The following SAMD13 variants were observed in gnomAD, a reference collection of about 807,000 sequenced individuals.
SAMD13 encodes sterile alpha motif domain containing 13.
In SAMD13, 9 loss-of-function variants were observed where a neutral mutation model predicts 12.4. The ratio of observed to expected loss-of-function variants is 0.72; its 90% confidence interval spans 0.44 to 1.26. The LOEUF is 1.26. SAMD13 is among the 50% of genes most tolerant of loss of function. The pLI, the probability that SAMD13 is intolerant of heterozygous loss-of-function variation, is 0.00. For synonymous variants in SAMD13, 46 were observed against 45.4 expected, an observed-to-expected ratio of 1.01 and a Z score of -0.05; for missense variants, 84 against 119.6, an observed-to-expected ratio of 0.70 and a Z score of 1.39.
At chr1:84,346,976 A>G (rs1223248469) in intron 3 of SAMD13, among the ~76,000 whole-genome samples, 4 of 152,206 alleles carry the variant, frequency 2.6e-5, no homozygotes, top group African/African-American at 9.6e-5. Context: ...TCCACTTAGT[A>G]GTCATTGAGA....
intron 3 of SAMD13, among the ~76,000 whole-genome samples, chr1:84,333,779 T>C (rs1679239246): frequency 6.6e-6 from 1 of 152,132 alleles, no homozygotes; most frequent in African/African-American, 2.4e-5. Flanking sequence ...TTGAATTTTA[T>C]TGAAAGCCTT....
At chr1:84,302,337 C>CTTTTTTTTTTTTTTTTT (rs34069417) in intron 1 of SAMD13, among the ~76,000 whole-genome samples, 1 of 123,166 alleles carries the variant, frequency 8.1e-6, no homozygotes, top group African/African-American at 3.0e-5. Context: ...CTGTTTCTTC[C>CTTTTTTTTTTTTTTTTT]TTTTTTTTTT....
upstream of SAMD13, among the ~76,000 whole-genome samples, chr1:84,299,035 G>A (rs531457896): frequency 5.3e-4 from 80 of 152,252 alleles, no homozygotes; most frequent in Admixed American, 2.0e-3. Flanking sequence ...GCTGGTCCAA[G>A]AGGCAGCCTG....
At chr1:84,307,136 G>T (rs139134445) in intron 2 of SAMD13, among the ~76,000 whole-genome samples, 106 of 152,000 alleles carry the variant, frequency 7.0e-4, no homozygotes, top group African/African-American at 2.4e-3. Flanking sequence ...AATACTTTTG[G>T]TCTCTCTCCC....
chr1:84,325,675 G>A lies in SAMD13; in HGVS notation c.92G>A (p.Trp31Ter). The stretch of plus-strand genomic sequence containing the variant: ...GGGAGACCACCTGATCCTGCAGACT[G>A]GGCCGTGATGGATGTCGTCAATTAT... ...ENGRPPDPAD[W>*]AVMDVVNYFR... is the part of the protein sequence containing the mutation. Residue 31 changes from tryptophan (W) to a stop codon, truncating the protein, a stop_gained, in exon 3 of 4, where the codon TGG becomes TAG. Transcript: ENST00000394834. LOFTEE classifies it high-confidence loss of function. 1.2e-6 allele frequency: 2 copies of A among 1,613,490 alleles called. No homozygotes were observed. The highest frequency in any genetic ancestry group is 8.5e-7 in the Non-Finnish European group (1 of 1,179,538).
At chr1:84,321,801 C>A (rs1678951716) in intron 2 of SAMD13, among the ~76,000 whole-genome samples, 1 of 152,166 alleles carries the variant, frequency 6.6e-6, no homozygotes, top group Non-Finnish European at 1.5e-5. Context: ...GGCTCCTGCC[C>A]CGCACACCCT....
In SAMD13 at chr1:84,315,542, C is replaced by A. The variant is rs149850915; in HGVS notation, c.54-10095C>A. On this transcript the variant is annotated intron_variant, in intron 2 of 3. Transcript: ENST00000394834. ...CCTGGTTCAAGGGATCCTCCCATTT[C>A]AGCCTCCCAAGTAGTTGGAATTATT... is the stretch of plus-strand genomic sequence containing the variant. 4.1e-3 allele frequency among the ~76,000 whole-genome samples: 620 copies of A among 152,250 alleles called. 5 individuals are homozygous for A. Among genetic ancestry groups the A allele is most frequent in the African/African-American group, 0.013 (534 of 41,560 alleles).
chr1:84,298,600 G>A (rs747431677), upstream of SAMD13: 1 of 1,281,386 alleles, frequency 7.8e-7, no homozygotes, highest in Non-Finnish European at 9.9e-7. Flanking sequence ...CAGGGCGTGG[G>A]AAGGCGCCCG....
chr1:84,333,255 G>A (rs1476131621), intron 3 of SAMD13, among the ~76,000 whole-genome samples: 2 of 152,100 alleles, frequency 1.3e-5, no homozygotes, highest in African/African-American at 2.4e-5. Flanking sequence ...GAATGTCATT[G>A]GTGGTTTTAT....
chr1:84,338,843 C>A (rs1679359382), intron 3 of SAMD13, among the ~76,000 whole-genome samples: 1 of 152,160 alleles, frequency 6.6e-6, no homozygotes, highest in African/African-American at 2.4e-5. Context: ...TCCCACTGGG[C>A]CCCTCCCACA....
intron 2 of SAMD13, among the ~76,000 whole-genome samples, chr1:84,307,108 G>T (rs1013908465): frequency 6.6e-6 from 1 of 152,014 alleles, no homozygotes; most frequent in African/African-American, 2.4e-5. Context: ...TTGGAAAATT[G>T]TCAACCATTC....
intron 3 of SAMD13, among the ~76,000 whole-genome samples, chr1:84,341,867 A>G (rs1213886538): frequency 6.6e-6 from 1 of 152,196 alleles, no homozygotes; most frequent in Non-Finnish European, 1.5e-5. Flanking sequence ...TTGGTGTATT[A>G]AAGTAGACCA....
At chr1:84,314,177 CAA>C (rs1450375638) in intron 2 of SAMD13, among the ~76,000 whole-genome samples, 1 of 151,992 alleles carries the variant, frequency 6.6e-6, no homozygotes, top group African/African-American at 2.4e-5. Context: ...AATAATAAAA[CAA>C]TGGCTACTAT....
chr1:84,315,692 C>G (rs190102665), intron 2 of SAMD13, among the ~76,000 whole-genome samples: 3 of 152,164 alleles, frequency 2.0e-5, no homozygotes, highest in African/African-American at 7.2e-5. Flanking sequence ...GTACTAATAT[C>G]TCTTTGAGTT....
intron 2 of SAMD13, among the ~76,000 whole-genome samples, chr1:84,312,872 T>C (rs1480283891): frequency 6.6e-6 from 1 of 152,160 alleles, no homozygotes; most frequent in Non-Finnish European, 1.5e-5. Context: ...CACAGTTATG[T>C]ACCCAAAATA....
intron 3 of SAMD13, among the ~76,000 whole-genome samples, chr1:84,342,260 A>G (rs555766765): frequency 4.6e-5 from 7 of 152,342 alleles, no homozygotes; most frequent in South Asian, 4.1e-4. Flanking sequence ...TGTTGTTTTG[A>G]TGCTGCTGCT....
chr1:84,331,282 GT>G (rs1396855067), intron 3 of SAMD13, among the ~76,000 whole-genome samples: 1 of 130,008 alleles, frequency 7.7e-6, no homozygotes, highest in Non-Finnish European at 1.6e-5. Context: ...ACAAATCCAG[GT>G]TCTGTGGAGC....
intron 3 of SAMD13, 89 bp from the exon 4 acceptor site, chr1:84,349,542 G>A: frequency 2.6e-6 from 4 of 1,519,490 alleles, no homozygotes; most frequent in Non-Finnish European, 3.5e-6. Context: ...CACAAGTGGT[G>A]TGACTTTTAC....
rs576888315 is a variant in SAMD13, at chr1:84,322,457, T to C, written c.54-3180T>C. On this transcript the variant is annotated intron_variant, in intron 2 of 3. Coordinates refer to ENST00000394834, the MANE Select transcript of SAMD13 (RefSeq NM_001134663.2). ...TCACAAAGAGGTGGGAGGCTGATAC[T>C]GAGTAACGTGTGAAAAACAGATTTT... 2.0e-5 allele frequency among the ~76,000 whole-genome samples: 3 copies of C among 152,290 alleles called. No individual in the cohort carries two copies. In the South Asian group the frequency reaches 6.2e-4, roughly 32 times the overall value.
Sources: allele counts gnomAD v4.1 joint callset (sites outside exome capture counted in the v4.1 genomes callset), GRCh38; gene constraint gnomAD v4.1.1; transcripts MANE v1.5; gene names NCBI Gene and HGNC (gene_info 2026-07-23, HGNC 2026-07-21).